MGAT4C: variants seen among roughly 807,000 people sequenced by gnomAD.
MGAT4C encodes MGAT4 family member C.
In MGAT4C, 19 loss-of-function variants were observed where a neutral mutation model predicts 40.1. The ratio of observed to expected loss-of-function variants is 0.47; its 90% CI spans 0.33 to 0.70. The LOEUF (loss-of-function observed/expected upper bound fraction) is 0.70, where lower values mean the gene tolerates loss of function less well. MGAT4C is among the 30% of genes least tolerant of loss of function. MGAT4C has a pLI of 0.02. For missense variants in MGAT4C, 491 were observed against 563.2 expected, an observed-to-expected ratio of 0.87 and a Z score of 1.30; for synonymous variants, 181 against 187.1, an observed-to-expected ratio of 0.97 and a Z score of 0.27.
intron 1 of MGAT4C, among the ~76,000 whole-genome samples, chr12:86,742,511 A>C (rs1310469905): frequency 6.6e-6 from 1 of 151,492 alleles, no homozygotes; most frequent in African/African-American, 2.4e-5. Flanking sequence ...TGAGTATGAC[A>C]TGCCTCAGTT....
intron 1 of MGAT4C, among the ~76,000 whole-genome samples, chr12:86,729,465 G>C (rs2702786): frequency 2.6e-5 from 4 of 152,062 alleles, no homozygotes; most frequent in Admixed American, 2.6e-4. Flanking sequence ...ATTCTGAATA[G>C]AATAGTGTGA....
intron 1 of MGAT4C, among the ~76,000 whole-genome samples, chr12:86,151,512 C>A (rs1884277024): frequency 6.6e-6 from 1 of 151,972 alleles, no homozygotes; most frequent in Non-Finnish European, 1.5e-5. Flanking sequence ...ACTTGGGAGG[C>A]TGAGGCAGGA....
intron 1 of MGAT4C, among the ~76,000 whole-genome samples, chr12:86,751,106 C>T (rs553688507): frequency 2.6e-5 from 4 of 151,888 alleles, no homozygotes; most frequent in Non-Finnish European, 5.9e-5. Flanking sequence ...GGAGAGGAAC[C>T]AATGGAGGGA....
Position 86,543,864 on chromosome 12 carries a change from C to T in MGAT4C, c.-228-108599G>A, listed in dbSNP as rs74771053. ...GCTGATTCCTCTGGTCAGGTGGTGGCTTTACTGGGGCCTGACAGTCTGGGA... is the reference window on the plus strand; with the variant it reads ...GCTGATTCCTCTGGTCAGGTGGTGGTTTTACTGGGGCCTGACAGTCTGGGA... On this transcript the variant is annotated intron_variant, in intron 2 of 7. Transcript: ENST00000548651. Among the ~76,000 whole-genome samples, 345 of 152,130 alleles carry T rather than the reference C, an allele frequency of 2.3e-3. 4 individuals are homozygous for T. Among genetic ancestry groups the T allele is most frequent in the South Asian group, 0.018 (86 of 4,824 alleles).
intron 2 of MGAT4C, among the ~76,000 whole-genome samples, chr12:86,539,390 T>C (rs1565835450): frequency 6.6e-6 from 1 of 152,230 alleles, no homozygotes; most frequent in Non-Finnish European, 1.5e-5. Context: ...TTCCATGGTG[T>C]ACATGTGCCA....
At chr12:86,695,129 A>G (rs1172523460) in intron 2 of MGAT4C, among the ~76,000 whole-genome samples, 2 of 152,202 alleles carry the variant, frequency 1.3e-5, no homozygotes, top group Admixed American at 6.5e-5. Flanking sequence ...ACATTTCTCA[A>G]AAGAAGACAT....
At chr12:85,993,804 G>A (rs918604582) in intron 2 of MGAT4C, among the ~76,000 whole-genome samples, 14 of 152,126 alleles carry the variant, frequency 9.2e-5, no homozygotes, top group African/African-American at 2.2e-4. Context: ...TTGTGGACCC[G>A]CAGACCCCAG....
At chr12:86,576,929 C>T (rs148611597) in intron 2 of MGAT4C, among the ~76,000 whole-genome samples, 6 of 151,832 alleles carry the variant, frequency 4.0e-5, no homozygotes, top group East Asian at 1.9e-4. Context: ...GACATTGTAA[C>T]GATATTGATT....
At chr12:86,035,716 T>A (rs1365343031) in intron 2 of MGAT4C, among the ~76,000 whole-genome samples, 3 of 149,764 alleles carry the variant, frequency 2.0e-5, no homozygotes, top group Non-Finnish European at 4.5e-5. Flanking sequence ...TTAAGTCTTA[T>A]ATTTAAATCT....
At chr12:86,534,008 G>A (rs1005865734) in intron 2 of MGAT4C, among the ~76,000 whole-genome samples, 4 of 151,988 alleles carry the variant, frequency 2.6e-5, no homozygotes, top group South Asian at 2.1e-4. Context: ...GGAAGTTGAG[G>A]TATTTTACTT....
chr12:86,701,089 TCTG>T, intron 2 of MGAT4C, among the ~76,000 whole-genome samples: 1 of 152,318 alleles, frequency 6.6e-6, no homozygotes, highest in South Asian at 2.1e-4. Flanking sequence ...TTCTTTCATG[TCTG>T]CTATCCATTT....
chr12:86,257,152 C>T (rs1428067926), upstream of MGAT4C, among the ~76,000 whole-genome samples: 3 of 152,162 alleles, frequency 2.0e-5, no homozygotes, highest in East Asian at 5.8e-4. Context: ...TGATATAGTG[C>T]TGTTCTTTTT....
At chr12:86,672,860 T>C (rs1964295106) in intron 2 of MGAT4C, among the ~76,000 whole-genome samples, 1 of 152,092 alleles carries the variant, frequency 6.6e-6, no homozygotes, top group African/African-American at 2.4e-5. Flanking sequence ...TCATGCAATG[T>C]ACCCGGTAAC....
In MGAT4C at chr12:85,972,408, C is replaced by T. The variant is rs1206595381; in HGVS notation, c.*6881G>A. On this transcript the variant is annotated 3_prime_UTR_variant, in exon 5 of 5. Coordinates refer to ENST00000611864, the MANE Select transcript of MGAT4C (RefSeq NM_001351288.2). ...ATTTTATTAGCAGATATCAAATGCC[C>T]TTTTGAAAATTGAGACTGATTTCTA... 1 of 150,566 alleles carries T rather than the reference C, an allele frequency of 6.6e-6. No homozygotes were observed. Among genetic ancestry groups the T allele is most frequent in the East Asian group, 1.9e-4 (1 of 5,162 alleles). The allele number at this position is 150,566 out of a possible 1,614,324, so 9.3% of individuals were successfully genotyped here.
intron 4 of MGAT4C, among the ~76,000 whole-genome samples, chr12:86,263,988 A>G (rs181006976): frequency 1.2e-3 from 175 of 152,068 alleles, no homozygotes; most frequent in Admixed American, 3.3e-3. Context: ...GTGTCTATTA[A>G]TGTATTTTGC....
At chr12:86,473,836 CT>C (rs1957789929) in intron 2 of MGAT4C, among the ~76,000 whole-genome samples, 1 of 151,996 alleles carries the variant, frequency 6.6e-6, no homozygotes, top group South Asian at 2.1e-4. Context: ...AGAATCGGGC[CT>C]TTTTAGGTCA....
chr12:86,802,388 T>C (rs1055596791), intron 1 of MGAT4C, among the ~76,000 whole-genome samples: 3 of 152,012 alleles, frequency 2.0e-5, no homozygotes, highest in Non-Finnish European at 2.9e-5. Flanking sequence ...TTATGGTTTT[T>C]AAAGCTTTTA....
chr12:86,029,925 A>T (rs1467622677), intron 2 of MGAT4C, among the ~76,000 whole-genome samples: 1 of 151,848 alleles, frequency 6.6e-6, no homozygotes, highest in African/African-American at 2.4e-5. Flanking sequence ...AGAAACAGTT[A>T]TTTAATAATA....
intron 2 of MGAT4C, among the ~76,000 whole-genome samples, chr12:86,540,797 G>C (rs1223239350): frequency 6.6e-6 from 1 of 152,060 alleles, no homozygotes; most frequent in South Asian, 2.1e-4. Flanking sequence ...TTTGAATTTG[G>C]GAATTCATAT....
Sources: allele counts gnomAD v4.1 joint callset (sites outside exome capture counted in the v4.1 genomes callset), GRCh38; gene constraint gnomAD v4.1.1; transcripts MANE v1.5; gene names NCBI Gene and HGNC (gene_info 2026-07-23, HGNC 2026-07-21).